The following NUDCD1 variants were observed in gnomAD, a reference collection of about 807,000 sequenced individuals.
The protein encoded by NUDCD1 is nudC domain-containing protein 1.
In NUDCD1, 60 loss-of-function variants were observed where a neutral mutation model predicts 67.8. The observed-to-expected ratio is 0.88, with a 90% CI of 0.72 to 1.10. The LOEUF (loss-of-function observed/expected upper bound fraction) is 1.10. Ranked by LOEUF, NUDCD1 falls within the 50% of genes least tolerant of loss-of-function variation. The pLI, the probability that NUDCD1 is intolerant of heterozygous loss-of-function variation, is 0.00. For missense variants in NUDCD1, 643 were observed against 695.0 expected, an observed-to-expected ratio of 0.93 and a Z score of 0.84; for synonymous variants, 244 against 230.8, an observed-to-expected ratio of 1.06 and a Z score of -0.52.
intron 2 of NUDCD1, among the ~76,000 whole-genome samples, chr8:109,307,712 C>A (rs2130083278): frequency 6.6e-6 from 1 of 152,276 alleles, no homozygotes; most frequent in South Asian, 2.1e-4. Context: ...GATAAGAATT[C>A]ATCAACCCAT....
rs146988524 is a variant in NUDCD1 at position 109,303,336 on chromosome 8, G to A, written c.274-6767C>T. On this transcript the variant is annotated intron_variant, in intron 2 of 9. Transcript: ENST00000239690. Reference sequence around the variant, plus strand: ...TACAGGACCATCACAGACACTTTGGGTAACTCTTACACTGGAGGGTAAGTC... The same window carrying A: ...TACAGGACCATCACAGACACTTTGGATAACTCTTACACTGGAGGGTAAGTC... 3.2e-3 allele frequency among the ~76,000 whole-genome samples: 490 copies of A among 152,260 alleles called. 3 individuals are homozygous for A. Among genetic ancestry groups the A allele is most frequent in the African/African-American group, 0.011 (463 of 41,566 alleles).
Position 109,311,559 on chromosome 8 carries a change from G to GTATATATATA in NUDCD1, c.273+10740_273+10749dup, listed in dbSNP as rs1554617136. On this transcript the variant is annotated intron_variant, in intron 2 of 9. Coordinates refer to ENST00000239690, the MANE Select transcript of NUDCD1 (RefSeq NM_032869.4). ...AATGAGTGGATAAAGAAACTGTGGT[G>GTATATATATA]TATATATATATATGATGGGATACTG... is the stretch of plus-strand genomic sequence containing the variant. Among the ~76,000 whole-genome samples, 75 of 124,914 alleles carry GTATATATATA rather than the reference G, an allele frequency of 6.0e-4. 5 individuals carry two copies. The highest frequency in any genetic ancestry group is 2.2e-3 in the African/African-American group (62 of 28,688). 81.9% of individuals were successfully genotyped at this position (124,914 alleles called of 152,430 possible). A position where few individuals can be genotyped will look rare whatever the true frequency, so the allele number is the denominator to read the frequency against.
At chr8:109,298,846 T>TAAA (rs1208299780) in intron 2 of NUDCD1, 11 of 152,130 alleles carry the variant, frequency 7.2e-5, no homozygotes, top group Non-Finnish European at 1.5e-4. Context: ...ACTGCAGGAA[T>TAAA]AAATCAGGAA....
rs373133707 is a variant in NUDCD1, at chr8:109,293,543, C to T, written c.460-19G>A. The stretch of plus-strand genomic sequence containing the variant: ...ACATAATCTACAAAACAAAATTACA[C>T]ACACAAAAAAGTGTACATAATTACA... On this transcript the variant is annotated intron_variant, in intron 3 of 9. Transcript: ENST00000239690. The T allele has an allele frequency of 2.2e-4, 308 of 1,409,804 alleles. No individual in the cohort carries two copies. Among genetic ancestry groups the T allele is most frequent in the Non-Finnish European group, 2.7e-4 (280 of 1,043,932 alleles). The allele number at this position is 1,409,804 out of a possible 1,614,324, so 87.3% of individuals were successfully genotyped here. A position where few individuals can be genotyped will look rare whatever the true frequency, so the allele number is the denominator to read the frequency against.
intron 2 of NUDCD1, among the ~76,000 whole-genome samples, chr8:109,307,391 G>A (rs1815133706): frequency 6.6e-6 from 1 of 152,208 alleles, no homozygotes; most frequent in Non-Finnish European, 1.5e-5. Flanking sequence ...CTGCACCCAG[G>A]TGAAATAAAC....
At chr8:109,268,014 C>T (rs1814043729) in intron 8 of NUDCD1, among the ~76,000 whole-genome samples, 1 of 152,126 alleles carries the variant, frequency 6.6e-6, no homozygotes, top group African/African-American at 2.4e-5. Flanking sequence ...TCGCTTTGAT[C>T]CCATATAAAC....
chr8:109,305,825 T>C (rs988781968), intron 2 of NUDCD1, among the ~76,000 whole-genome samples: 9 of 152,162 alleles, frequency 5.9e-5, no homozygotes, highest in Admixed American at 2.6e-4. Context: ...ATTAGGTTCA[T>C]AGATCCAGAG....
At chr8:109,260,930 A>C in intron 8 of NUDCD1, among the ~76,000 whole-genome samples, 1 of 152,214 alleles carries the variant, frequency 6.6e-6, no homozygotes, top group African/African-American at 2.4e-5. Flanking sequence ...AAGTCTTCGA[A>C]ATTGAATGTA....
chr8:109,296,944 C>T (rs1229702690), intron 2 of NUDCD1, among the ~76,000 whole-genome samples: 16 of 152,144 alleles, frequency 1.1e-4, no homozygotes, highest in African/African-American at 2.4e-5. Flanking sequence ...TTAATCATTT[C>T]GAAAATGTAT....
rs568904576 is a variant in NUDCD1, at chr8:109,317,799, T to G, written c.273+4510A>C. ...ATATTTGCATAATGCCTTCCACTTT[T>G]CAAAGCATTTTCACACACCTTGCTT... On this transcript the variant is annotated intron_variant, in intron 2 of 9. Transcript: ENST00000239690. 8.5e-5 allele frequency among the ~76,000 whole-genome samples: 13 copies of G among 152,340 alleles called. No individual in the cohort carries two copies. The South Asian group carries it at 2.7e-3, about 32-fold the overall frequency.
chr8:109,322,899 C>T (rs1282072764), intron 1 of NUDCD1, among the ~76,000 whole-genome samples: 1 of 152,064 alleles, frequency 6.6e-6, no homozygotes. Context: ...AAGAAATTAA[C>T]TTTTAAAATC....
chr8:109,256,254 T>C (rs1202847978), intron 8 of NUDCD1, among the ~76,000 whole-genome samples: 5 of 151,920 alleles, frequency 3.3e-5, no homozygotes, highest in African/African-American at 1.2e-4. Context: ...TGGTGAAAAA[T>C]AAGATAATCA....
intron 2 of NUDCD1, among the ~76,000 whole-genome samples, chr8:109,307,764 T>C (rs989490817): frequency 6.6e-6 from 1 of 151,958 alleles, no homozygotes; most frequent in African/African-American, 2.4e-5. Context: ...AAACTTAAGG[T>C]AAAAGGGTAG....
intron 5 of NUDCD1, among the ~76,000 whole-genome samples, chr8:109,286,223 T>C (rs894227260): frequency 1.3e-5 from 2 of 152,118 alleles, no homozygotes; most frequent in Non-Finnish European, 2.9e-5. Context: ...AAAATGTCCA[T>C]ACTGCTCAAA....
chr8:109,248,943 T>C (rs1225504819), intron 8 of NUDCD1, among the ~76,000 whole-genome samples: 2 of 152,178 alleles, frequency 1.3e-5, no homozygotes, highest in Admixed American at 6.5e-5. Context: ...CTATGCCATA[T>C]GCAAATGGCA....
intron 8 of NUDCD1, among the ~76,000 whole-genome samples, chr8:109,266,186 A>G (rs1236219599): frequency 6.6e-6 from 1 of 151,662 alleles, no homozygotes; most frequent in Admixed American, 6.6e-5. Context: ...TATCCAAATG[A>G]TTATCATTTC....
chr8:109,331,265 C>T (rs899858670), intron 1 of NUDCD1, among the ~76,000 whole-genome samples: 4 of 151,874 alleles, frequency 2.6e-5, no homozygotes, highest in African/African-American at 4.8e-5. Context: ...ACCCGGGAGG[C>T]GGAAGTTGCA....
In NUDCD1 at chr8:109,319,905, G is replaced by A. The variant is rs184740967; in HGVS notation, c.273+2404C>T. ...ACAAAAGAGAGAAATTTTAAAGCCGGGCATCCGGGGGAGACATCACATGTC... is the reference window on the plus strand; with the variant it reads ...ACAAAAGAGAGAAATTTTAAAGCCGAGCATCCGGGGGAGACATCACATGTC... On this transcript the variant is annotated intron_variant, in intron 2 of 9. Coordinates refer to ENST00000239690, the MANE Select transcript of NUDCD1 (RefSeq NM_032869.4). Among the ~76,000 whole-genome samples, 211 of 152,190 alleles carry A rather than the reference G, an allele frequency of 1.4e-3. 1 individual carries two copies. Among genetic ancestry groups the A allele is most frequent in the Non-Finnish European group, 2.3e-3 (156 of 68,004 alleles).
At chr8:109,323,098 T>C (rs1219972581) in intron 1 of NUDCD1, among the ~76,000 whole-genome samples, 2 of 152,192 alleles carry the variant, frequency 1.3e-5, no homozygotes, top group Non-Finnish European at 2.9e-5. Context: ...CTAGCAAATG[T>C]GATCTCTTCC....
Sources: gnomAD v4.1 joint callset for allele counts (sites outside exome capture counted in the v4.1 genomes callset) on GRCh38, gnomAD v4.1.1 for gene constraint, MANE v1.5 for transcripts, NCBI Gene and HGNC (gene_info 2026-07-23, HGNC 2026-07-21) for gene names.